MTFR2: variants seen among roughly 807,000 people sequenced by gnomAD.
MTFR2 encodes mitochondrial fission regulator 2.
Under a neutral mutation model 41.2 loss-of-function variants are expected in MTFR2, and 44 were observed. That is an observed-to-expected ratio of 1.07 (90% CI 0.84 to 1.37). MTFR2 has a LOEUF of 1.37. MTFR2 is among the 40% of genes most tolerant of loss of function. MTFR2 has a pLI of 0.00. For synonymous variants in MTFR2, 141 were observed against 154.6 expected (o/e 0.91, Z 0.65); for missense variants, 452 against 459.5 (o/e 0.98, Z 0.15).
At chr6:136,233,127 G>T (rs1190001431) in intron 7 of MTFR2, 198 bp downstream of exon 7, 4 of 431,280 alleles carry the variant, frequency 9.3e-6, no homozygotes, top group Non-Finnish European at 1.7e-5. Flanking sequence ...TATTTCAAAA[G>T]AGCTCATGAT....
chr6:136,240,422 TATAA>T (rs531645522), intron 5 of MTFR2, among the ~76,000 whole-genome samples: 5 of 151,854 alleles, frequency 3.3e-5, no homozygotes, highest in Non-Finnish European at 5.9e-5. Flanking sequence ...ATATACACTG[TATAA>T]ATATCTTAAA....
chr6:136,238,845 T>C (rs577154721), intron 6 of MTFR2, among the ~76,000 whole-genome samples: 148 of 152,078 alleles, frequency 9.7e-4, no homozygotes, highest in African/African-American at 3.4e-3. Context: ...CATGGGCAGA[T>C]CGCTTGAGCT....
chr6:136,242,233 AG>A (rs1228168375), intron 4 of MTFR2, among the ~76,000 whole-genome samples: 4 of 152,182 alleles, frequency 2.6e-5, no homozygotes, highest in Non-Finnish European at 4.4e-5. Flanking sequence ...GTCAGTGACC[AG>A]GGAATGAACA....
At position 136,239,579 on chromosome 6, in the gene MTFR2, A is replaced by C; in HGVS notation, c.756T>G (p.Ala252=). Residue 252 remains alanine, a synonymous_variant, in exon 6 of 8, where the codon GCT becomes GCG. Transcript: ENST00000420702. ...PATEMSKQNP[A]ANKTNYSHHS... is the part of the protein sequence containing the mutation. ...GATGACTATAATTGGTCTTATTAGC[A>C]GCCGGGTTCTGTTTGCTCATTTCAG... 6.2e-7 allele frequency: 1 copy of C among 1,614,154 alleles called. No homozygotes were observed. Among genetic ancestry groups the C allele is most frequent in the South Asian group, 1.1e-5 (1 of 91,076 alleles).
intron 6 of MTFR2, among the ~76,000 whole-genome samples, chr6:136,235,550 G>C (rs755065237): frequency 7.2e-5 from 11 of 152,172 alleles, no homozygotes; most frequent in Non-Finnish European, 1.0e-4. Context: ...TTAAAGACCA[G>C]GCCCAGGGGG....
intron 7 of MTFR2, among the ~76,000 whole-genome samples, chr6:136,232,189 G>C (rs1351250936): frequency 2.0e-5 from 3 of 152,092 alleles, no homozygotes; most frequent in Non-Finnish European, 2.9e-5. Flanking sequence ...GGTGAGCACA[G>C]AGGCTGCACA....
intron 4 of MTFR2, 123 bp from the exon 5 acceptor site, chr6:136,241,799 C>T (rs1405855741): frequency 1.3e-6 from 1 of 770,554 alleles, no homozygotes; most frequent in South Asian, 1.9e-5. Flanking sequence ...TACTCTCAGG[C>T]CGGGCACAGT....
rs1583978219 is a variant in MTFR2 at position 136,249,212 on chromosome 6, A to C, written c.-54-59T>G. 8 of 727,868 alleles carry C rather than the reference A, an allele frequency of 1.1e-5. No homozygotes were observed. In the East Asian group the frequency reaches 2.5e-4, roughly 23 times the overall value. 45.1% of individuals were successfully genotyped at this position (727,868 alleles called of 1,614,324 possible). On this transcript the variant is annotated intron_variant, in intron 1 of 7. Coordinates refer to ENST00000420702, the MANE Select transcript of MTFR2 (RefSeq NM_001099286.3). Reference sequence around the variant, plus strand: ...ACAAATAAATGCCAAATTGTACTACATAACCTGGAAAAGTCCTCTTGATAC... The same window carrying C: ...ACAAATAAATGCCAAATTGTACTACCTAACCTGGAAAAGTCCTCTTGATAC...
At chr6:136,246,085 C>T (rs1039621146) in intron 2 of MTFR2, among the ~76,000 whole-genome samples, 5 of 152,166 alleles carry the variant, frequency 3.3e-5, no homozygotes, top group African/African-American at 1.2e-4. Flanking sequence ...CTAAGAACAA[C>T]AGGCATAGAG....
chr6:136,243,972 T>G (rs1583972653), intron 3 of MTFR2, among the ~76,000 whole-genome samples: 1 of 152,180 alleles, frequency 6.6e-6, no homozygotes, highest in East Asian at 1.9e-4. Flanking sequence ...ATTTAAAAAT[T>G]TTTAAATCAT....
chr6:136,238,678 C>CCACACACACA (rs60002962), intron 6 of MTFR2, among the ~76,000 whole-genome samples: 3 of 146,448 alleles, frequency 2.0e-5, no homozygotes, highest in African/African-American at 7.5e-5. Context: ...TGTTTTTTCA[C>CCACACACACA]CACACACACA....
At chr6:136,245,190 C>CA (rs1449555936) in intron 2 of MTFR2, among the ~76,000 whole-genome samples, 3 of 151,890 alleles carry the variant, frequency 2.0e-5, no homozygotes, top group Non-Finnish European at 2.9e-5. Context: ...AAACTTTGTT[C>CA]AAAAAAATTG....
chr6:136,232,173 C>T (rs925931020), intron 7 of MTFR2, among the ~76,000 whole-genome samples: 1 of 152,178 alleles, frequency 6.6e-6, no homozygotes, highest in Non-Finnish European at 1.5e-5. Flanking sequence ...CACACACACA[C>T]ACAATGGTGA....
At position 136,249,134 on chromosome 6, in the gene MTFR2, C is replaced by G. The variant is rs772584848; in HGVS notation, c.-35G>C. 2.7e-5 allele frequency: 42 copies of G among 1,538,224 alleles called. 1 individual carries two copies. In the Admixed American group the frequency reaches 7.1e-4, roughly 26 times the overall value. On this transcript the variant is annotated 5_prime_UTR_variant, in exon 2 of 8. The change abolishes an upstream ATG in the 5' untranslated region. Coordinates refer to ENST00000420702, the MANE Select transcript of MTFR2 (RefSeq NM_001099286.3). ...AAATACAGAAGCCAATTCAAAGGAA[C>G]ATTATCAGTTTCTTGGTGCCTTTGG...
At chr6:136,231,565 G>T (rs114818440) in intron 7 of MTFR2, among the ~76,000 whole-genome samples, 177 bp from the exon 8 acceptor site, 7,016 of 149,576 alleles carry the variant, frequency 0.047, 551 homozygotes, top group African/African-American at 0.16. Context: ...CAGAGCCAAG[G>T]ACAAAAGTGA....
At chr6:136,239,896 A>C (rs1478958916) in intron 5 of MTFR2, 76 bp from the exon 6 acceptor site, 16 of 1,277,190 alleles carry the variant, frequency 1.3e-5, no homozygotes, top group Non-Finnish European at 1.1e-6. Flanking sequence ...CACTAATTAG[A>C]ACCAAAACAG....
chr6:136,236,616 T>G (rs1413609393), intron 6 of MTFR2, among the ~76,000 whole-genome samples: 2 of 152,234 alleles, frequency 1.3e-5, no homozygotes, highest in South Asian at 2.1e-4. Flanking sequence ...CCTACAGCCA[T>G]GAGATTCTTC....
intron 6 of MTFR2, among the ~76,000 whole-genome samples, chr6:136,236,938 G>C (rs1470939485): frequency 1.3e-5 from 2 of 152,204 alleles, no homozygotes; most frequent in Non-Finnish European, 2.9e-5. Flanking sequence ...AGGGGAGACA[G>C]GAGATAAGAA....
Position 136,233,171 on chromosome 6 carries a change from C to T in MTFR2, c.1044+154G>A, listed in dbSNP as rs1295577915. The T allele has an allele frequency of 9.3e-6, 5 of 539,830 alleles. No individual in the cohort carries two copies. The East Asian group carries it at 9.3e-5, about 10-fold the overall frequency. The allele number at this position is 539,830 out of a possible 1,614,324, so 33.4% of individuals were successfully genotyped here. A position where few individuals can be genotyped will look rare whatever the true frequency, so the allele number is the denominator to read the frequency against. On this transcript the variant is annotated intron_variant, in intron 7 of 7. Transcript: ENST00000420702. ...AGTGAAAATGAGCATATAAAATTAACAACAAAAAAACCCCAGAAACATTAG... is the reference window on the plus strand; with the variant it reads ...AGTGAAAATGAGCATATAAAATTAATAACAAAAAAACCCCAGAAACATTAG...
Sources: gnomAD v4.1 joint callset for allele counts (sites outside exome capture counted in the v4.1 genomes callset) on GRCh38, gnomAD v4.1.1 for gene constraint, MANE v1.5 for transcripts, NCBI Gene and HGNC (gene_info 2026-07-23, HGNC 2026-07-21) for gene names.